Variants in SLC16A14 observed in about 807,000 individuals in gnomAD.
SLC16A14 encodes the protein solute carrier family 16 member 14.
In SLC16A14, 14 loss-of-function variants were observed where a neutral mutation model predicts 35.8. The ratio of observed to expected loss-of-function variants is 0.39; its 90% CI spans 0.26 to 0.61. The LOEUF (loss-of-function observed/expected upper bound fraction) is 0.61, where lower values mean the gene tolerates loss of function less well. SLC16A14 is among the 20% of genes least tolerant of loss of function. The probability of loss-of-function intolerance (pLI) is 0.51; values close to 1 mark genes in which losing one functional copy is unlikely to be tolerated. For synonymous variants in SLC16A14, 248 were observed against 258.9 expected (o/e 0.96, Z 0.40); for missense variants, 533 against 655.0 (o/e 0.81, Z 2.03).
intron 1 of SLC16A14, among the ~76,000 whole-genome samples, chr2:230,061,329 G>A (rs2077750385): frequency 6.6e-6 from 1 of 152,156 alleles, no homozygotes; most frequent in South Asian, 2.1e-4. Flanking sequence ...TCATCCTTTT[G>A]TAAACATTGT....
Position 230,054,908 on chromosome 2 carries a change from AAAG to A in SLC16A14, c.259+4183_259+4185del, listed in dbSNP as rs1375594995. Among the ~76,000 whole-genome samples, 176 of 152,056 alleles carry A rather than the reference AAAG, an allele frequency of 1.2e-3. 1 individual carries two copies. Among genetic ancestry groups the A allele is most frequent in the South Asian group, 6.2e-4 (3 of 4,824 alleles). On this transcript the variant is annotated intron_variant, in intron 2 of 4. Transcript: ENST00000295190. ...AGACTCCATCTCAGAAAAAAAAAAAAAAGAAGAAGAAAAAAAGAAAAAACCACG... is the reference window on the plus strand; with the variant it reads ...AGACTCCATCTCAGAAAAAAAAAAAAAAGAAGAAAAAAAGAAAAAACCACG...
intron 2 of SLC16A14, among the ~76,000 whole-genome samples, chr2:230,051,010 G>GT (rs2077655615): frequency 6.6e-6 from 1 of 152,198 alleles, no homozygotes; most frequent in Non-Finnish European, 1.5e-5. Context: ...ATCCCGGCTG[G>GT]TGTGCACAGT....
chr2:230,053,884 C>A (rs1174357725), intron 2 of SLC16A14, among the ~76,000 whole-genome samples: 1 of 152,166 alleles, frequency 6.6e-6, no homozygotes, highest in Non-Finnish European at 1.5e-5. Context: ...GGTAGAGGAG[C>A]AATCACAGGT....
chr2:230,045,075 C>T (rs116379047), intron 4 of SLC16A14, among the ~76,000 whole-genome samples: 2,372 of 152,208 alleles, frequency 0.016, 27 homozygotes, highest in Non-Finnish European at 0.022. Flanking sequence ...GAAGATCTGG[C>T]AACAATTCTC....
At chr2:230,064,334 G>A (rs1408419967) in intron 1 of SLC16A14, among the ~76,000 whole-genome samples, 1 of 151,570 alleles carries the variant, frequency 6.6e-6, no homozygotes, top group African/African-American at 2.4e-5. Flanking sequence ...GTGTGTGTCT[G>A]TGTATGCATG....
intron 4 of SLC16A14, among the ~76,000 whole-genome samples, chr2:230,040,159 A>G (rs2077549237): frequency 6.6e-6 from 1 of 152,122 alleles, no homozygotes; most frequent in Non-Finnish European, 1.5e-5. Flanking sequence ...ACTCTGCAGA[A>G]TATAAAAAAT....
At chr2:230,056,879 T>TAAA (rs60620443) in intron 2 of SLC16A14, among the ~76,000 whole-genome samples, 22 of 95,482 alleles carry the variant, frequency 2.3e-4, no homozygotes, top group South Asian at 3.9e-4. Context: ...CTACAAAAAG[T>TAAA]AAAAAAAAAA....
rs1417456630 is a variant in SLC16A14 at position 230,044,734 on chromosome 2, GTGTA to G, written c.1381+1007_1381+1010del. On this transcript the variant is annotated intron_variant, in intron 4 of 4. Transcript: ENST00000295190. ...TGTGTGTGTGTGTGTGTGTGTGTGT[GTGTA>G]TGTGTGTGTGTGTGTGTGTGTGTGT... Among the ~76,000 whole-genome samples the G allele has an allele frequency of 4.8e-3, 480 of 99,028 alleles. 4 individuals are homozygous for G. The highest frequency in any genetic ancestry group is 0.014 in the African/African-American group (389 of 28,044). The allele number at this position is 99,028 out of a possible 152,430, so 65.0% of individuals were successfully genotyped here. A position where few individuals can be genotyped will look rare whatever the true frequency, so the allele number is the denominator to read the frequency against.
chr2:230,039,925 A>G (rs1454257152), intron 4 of SLC16A14, among the ~76,000 whole-genome samples: 3 of 152,098 alleles, frequency 2.0e-5, no homozygotes, highest in Non-Finnish European at 4.4e-5. Context: ...GTTTTGGTGG[A>G]AGTGGTTGAT....
rs2077535508 is a variant in SLC16A14, at chr2:230,038,523, GA to G, written c.1382-993del. Among the ~76,000 whole-genome samples the G allele has an allele frequency of 6.6e-6, 1 of 152,178 alleles. No individual in the cohort carries two copies. Among genetic ancestry groups the G allele is most frequent in the Non-Finnish European group, 1.5e-5 (1 of 68,038 alleles). On this transcript the variant is annotated intron_variant, in intron 4 of 4. Coordinates refer to ENST00000295190, the MANE Select transcript of SLC16A14 (RefSeq NM_152527.5). This position sits in a 1 kb window ranked among gnomAD's most constrained non-coding sequence, Gnocchi z 4.4. ...ACTGAGAGGATTGAGTTACACACAA[GA>G]GTTTTATTTATGGTAAAAATGTAAA...
intron 1 of SLC16A14, among the ~76,000 whole-genome samples, chr2:230,062,183 C>T (rs1449027185): frequency 2.6e-5 from 4 of 151,998 alleles, no homozygotes; most frequent in Non-Finnish European, 4.4e-5. Flanking sequence ...AAAAACTATC[C>T]ATTCTGGGTG....
Position 230,064,306 on chromosome 2 carries a change from G to GTGTGTA in SLC16A14, c.-15+4248_-15+4249insTACACA, listed in dbSNP as rs1268336967. Among the ~76,000 whole-genome samples, 3 of 150,922 alleles carry GTGTGTA rather than the reference G, an allele frequency of 2.0e-5. No individual in the cohort carries two copies. The East Asian group carries it at 5.8e-4, about 29-fold the overall frequency. ...GCCTTGTCTGTGTGTGTGTGTGTGT[G>GTGTGTA]TGTGTGTATGTGTGTGTGTGTGTGT... is the stretch of plus-strand genomic sequence containing the variant. On this transcript the variant is annotated intron_variant, in intron 1 of 4. Coordinates refer to ENST00000295190, the MANE Select transcript of SLC16A14 (RefSeq NM_152527.5).
chr2:230,053,362 G>A (rs1479377363), intron 2 of SLC16A14, among the ~76,000 whole-genome samples: 1 of 152,194 alleles, frequency 6.6e-6, no homozygotes, highest in Non-Finnish European at 1.5e-5. Flanking sequence ...ATACAATTGA[G>A]ATACAATCCT....
intron 1 of SLC16A14, among the ~76,000 whole-genome samples, chr2:230,060,035 C>T (rs1223079902): frequency 6.6e-6 from 1 of 152,160 alleles, no homozygotes; most frequent in African/African-American, 2.4e-5. Flanking sequence ...CTCCACCCAA[C>T]CCCATTCCTA....
intron 1 of SLC16A14, among the ~76,000 whole-genome samples, chr2:230,067,563 T>TCACA (rs1256741833): frequency 4.1e-5 from 2 of 48,860 alleles, no homozygotes; most frequent in African/African-American, 1.1e-4. Context: ...TCTCTCTCTC[T>TCACA]CTCTCTCTCA....
intron 4 of SLC16A14, among the ~76,000 whole-genome samples, chr2:230,041,380 T>C (rs2077558949): frequency 6.6e-6 from 1 of 152,180 alleles, no homozygotes; most frequent in South Asian, 2.1e-4. Context: ...AGAGTCTTGT[T>C]CTTGTTGCCC....
At position 230,068,651 on chromosome 2, in the gene SLC16A14, A is replaced by C. The variant is rs992198476; in HGVS notation, c.-111T>G. ...GAGCCCCCTGAGCTGCTGGGTGTAG[A>C]GATTTGTTGCAATGTCGCCTATCAT... On this transcript the variant is annotated 5_prime_UTR_variant, in exon 1 of 5. Coordinates refer to ENST00000295190, the MANE Select transcript of SLC16A14 (RefSeq NM_152527.5). This position sits in a 1 kb window ranked among gnomAD's most constrained non-coding sequence, Gnocchi z 5.1. 6 of 152,356 alleles carry C rather than the reference A, an allele frequency of 3.9e-5. No individual in the cohort carries two copies. Among genetic ancestry groups the C allele is most frequent in the Admixed American group, 1.3e-4 (2 of 15,270 alleles). The allele number at this position is 152,356 out of a possible 1,614,324, so 9.4% of individuals were successfully genotyped here.
At chr2:230,056,519 G>C (rs530290960) in intron 2 of SLC16A14, among the ~76,000 whole-genome samples, 1 of 152,058 alleles carries the variant, frequency 6.6e-6, no homozygotes, top group Admixed American at 6.6e-5. Context: ...GCCTCCCGAA[G>C]TGCTGGGATT....
At position 230,045,786 on chromosome 2, in the gene SLC16A14, C is replaced by T. The variant is rs765492524; in HGVS notation, c.1340G>A (p.Cys447Tyr). Residue 447 changes from cysteine (C) to tyrosine (Y), a missense_variant, in exon 4 of 5, where the codon TGT becomes TAT. Cys to Tyr is a radical substitution (Grantham distance 194, BLOSUM62 -2). Coordinates refer to ENST00000295190, the MANE Select transcript of SLC16A14 (RefSeq NM_152527.5). ...CAGCAATGCAGAGATGCCATTAGCACAGATGATGATGCCGTAGGCATTGGC... is the reference window on the plus strand; with the variant it reads ...CAGCAATGCAGAGATGCCATTAGCATAGATGATGATGCCGTAGGCATTGGC... ...HLANAYGIII[C>Y]ANGISALLGP... The T allele has an allele frequency of 2.8e-5, 45 of 1,614,226 alleles. No individual in the cohort carries two copies. The highest frequency in any genetic ancestry group is 3.7e-5 in the Non-Finnish European group (44 of 1,180,044).
Sources: allele counts gnomAD v4.1 joint callset (sites outside exome capture counted in the v4.1 genomes callset), GRCh38; gene constraint gnomAD v4.1.1; non-coding constraint Gnocchi (gnomAD v3.1); transcripts MANE v1.5; gene names NCBI Gene and HGNC (gene_info 2026-07-23, HGNC 2026-07-21).